LRRFIP2: variants seen among roughly 807,000 people sequenced by gnomAD.
LRRFIP2 encodes the protein leucine-rich repeat flightless-interacting protein 2.
A neutral mutation model predicts 125.9 loss-of-function variants in LRRFIP2; 109 were observed. The ratio of observed to expected loss-of-function variants is 0.87; its 90% CI spans 0.74 to 1.01. The LOEUF is 1.01. LRRFIP2 is among the 50% of genes least tolerant of loss of function. LRRFIP2 has a pLI of 0.00. For synonymous variants in LRRFIP2, 291 were observed against 293.1 expected (o/e 0.99, Z 0.07); for missense variants, 850 against 862.3 (o/e 0.99, Z 0.18).
rs751404785 is a variant in LRRFIP2, at chr3:37,063,815, AAAC to A, written c.1700-27_1700-25del. ...ATCTAAAACAAATGAAAAAGATCAT[AAAC>A]TAAATATGTGATGATATAGTACATA... On this transcript the variant is annotated intron_variant, in intron 23 of 27. Coordinates refer to ENST00000336686, the MANE Select transcript of LRRFIP2 (RefSeq NM_006309.4). 6 of 1,578,864 alleles carry A rather than the reference AAAC, an allele frequency of 3.8e-6. No individual in the cohort carries two copies. The African/African-American group carries it at 8.1e-5, about 21-fold the overall frequency.
chr3:37,103,339 CA>C (rs2094168283), intron 14 of LRRFIP2, among the ~76,000 whole-genome samples: 1 of 152,120 alleles, frequency 6.6e-6, no homozygotes, highest in African/African-American at 2.4e-5. Context: ...ATTTCTAGGT[CA>C]GTATATACCT....
At chr3:37,175,869 T>C (rs929914737), upstream of LRRFIP2, 1 of 152,136 alleles carries the variant, frequency 6.6e-6, no homozygotes, top group African/African-American at 2.4e-5. Context: ...ACGGGATGTC[T>C]GAGAACGCCG....
chr3:37,084,570 G>A (rs905429804), intron 18 of LRRFIP2, among the ~76,000 whole-genome samples: 3 of 152,174 alleles, frequency 2.0e-5, no homozygotes, highest in Non-Finnish European at 4.4e-5. Context: ...GGGATGCTAG[G>A]TGGGAGGACC....
chr3:37,133,344 T>G (rs1179778037), intron 2 of LRRFIP2, among the ~76,000 whole-genome samples: 1 of 152,236 alleles, frequency 6.6e-6, no homozygotes, highest in Non-Finnish European at 1.5e-5. Flanking sequence ...AACATATATT[T>G]ATATACCAAT....
chr3:37,135,457 CAAAA>C (rs368371557), intron 2 of LRRFIP2, among the ~76,000 whole-genome samples: 1 of 78,394 alleles, frequency 1.3e-5, no homozygotes. Context: ...GACTCAGTCT[CAAAA>C]AAAAAAAAAA....
At chr3:37,162,155 CAAAAAAAAAAAAAA>C (rs71091697) in intron 1 of LRRFIP2, among the ~76,000 whole-genome samples, 1 of 73,988 alleles carries the variant, frequency 1.4e-5, no homozygotes, top group African/African-American at 5.7e-5. Context: ...GACCCTGTCT[CAAAAAAAAAAAAAA>C]AAAAAAAAGA....
At chr3:37,061,383 C>CTTTCCT (rs1035113309) in intron 24 of LRRFIP2, among the ~76,000 whole-genome samples, 1 of 149,014 alleles carries the variant, frequency 6.7e-6, no homozygotes, top group African/African-American at 2.5e-5. Flanking sequence ...GTTTAAACCT[C>CTTTCCT]TTTTCTTTTT....
At chr3:37,086,341 T>C (rs937674358) in intron 18 of LRRFIP2, among the ~76,000 whole-genome samples, 8 of 152,226 alleles carry the variant, frequency 5.3e-5, no homozygotes, top group African/African-American at 1.9e-4. Context: ...AATATAGTGT[T>C]ACCACATGAG....
At chr3:37,075,436 TAATA>T (rs1434485936) in intron 19 of LRRFIP2, among the ~76,000 whole-genome samples, 1 of 152,026 alleles carries the variant, frequency 6.6e-6, no homozygotes, top group Non-Finnish European at 1.5e-5. Context: ...AAAGAAGGAA[TAATA>T]AATGCAATAT....
intron 16 of LRRFIP2, among the ~76,000 whole-genome samples, chr3:37,095,847 G>A (rs1228891336): frequency 6.6e-6 from 1 of 152,000 alleles, no homozygotes; most frequent in Non-Finnish European, 1.5e-5. Flanking sequence ...GGGTTTTACC[G>A]TGTTGGTCAG....
chr3:37,140,599 C>A lies in LRRFIP2; in HGVS notation c.90+8295G>T, dbSNP rs576387751. Among the ~76,000 whole-genome samples, 10 of 148,776 alleles carry A rather than the reference C, an allele frequency of 6.7e-5. No individual in the cohort carries two copies. In the East Asian group the frequency reaches 2.0e-3, roughly 29 times the overall value. ...AACAAAAATTAGCCGGGCGTGGTAGCGCAAGATCATGCCACAGTGCTCTAA... is the reference window on the plus strand; with the variant it reads ...AACAAAAATTAGCCGGGCGTGGTAGAGCAAGATCATGCCACAGTGCTCTAA... On this transcript the variant is annotated intron_variant, in intron 2 of 27. Coordinates refer to ENST00000336686, the MANE Select transcript of LRRFIP2 (RefSeq NM_006309.4).
intron 7 of LRRFIP2, among the ~76,000 whole-genome samples, chr3:37,113,366 G>T (rs1437527774): frequency 2.6e-5 from 4 of 152,106 alleles, no homozygotes; most frequent in Non-Finnish European, 5.9e-5. Context: ...GGGGTATAGT[G>T]GTACAATCAT....
At chr3:37,079,583 A>G (rs9810355) in intron 19 of LRRFIP2, among the ~76,000 whole-genome samples, 53,183 of 151,904 alleles carry the variant, frequency 0.35, 10,445 homozygotes, top group Non-Finnish European at 0.45. Context: ...TTAGAATAAA[A>G]AAGAAAAAGA....
At chr3:37,129,172 G>C (rs917624892) in intron 2 of LRRFIP2, 23 bp from the exon 3 acceptor site, 1 of 1,608,190 alleles carries the variant, frequency 6.2e-7, no homozygotes, top group Non-Finnish European at 8.5e-7. Context: ...ATAAAACTCA[G>C]CTTTATACAA....
At chr3:37,112,359 GAAAAAA>G (rs905923355) in intron 8 of LRRFIP2, among the ~76,000 whole-genome samples, 1 of 148,324 alleles carries the variant, frequency 6.7e-6, no homozygotes, top group African/African-American at 2.5e-5. Flanking sequence ...AAAAAGAAAA[GAAAAAA>G]AGAAAAAGAA....
chr3:37,102,871 G>T, intron 15 of LRRFIP2, 53 bp downstream of exon 15: 2 of 1,132,584 alleles, frequency 1.8e-6, no homozygotes, highest in Middle Eastern at 2.0e-4. Flanking sequence ...CATATTAGCT[G>T]TTAGTCACAA....
chr3:37,164,451 C>T (rs1455806968), intron 1 of LRRFIP2, among the ~76,000 whole-genome samples: 1 of 152,164 alleles, frequency 6.6e-6, no homozygotes, highest in Non-Finnish European at 1.5e-5. Context: ...GGCATGGCGG[C>T]TCATGCCTGT....
chr3:37,105,447 A>G lies in LRRFIP2; in HGVS notation c.783+8T>C. The G allele has an allele frequency of 6.2e-7, 1 of 1,612,462 alleles. No homozygotes were observed. Among genetic ancestry groups the G allele is most frequent in the Non-Finnish European group, 8.5e-7 (1 of 1,178,520 alleles). On this transcript the variant is annotated splice_region_variant and intron_variant, in intron 14 of 27. Transcript: ENST00000336686. ...CATCTTATTTCTTTGCATGCAAATCATGCTCACCACACTCTCCCTTCGTCC... is the reference window on the plus strand; with the variant it reads ...CATCTTATTTCTTTGCATGCAAATCGTGCTCACCACACTCTCCCTTCGTCC...
intron 19 of LRRFIP2, among the ~76,000 whole-genome samples, chr3:37,079,053 T>C (rs911906562): frequency 6.6e-6 from 1 of 152,094 alleles, no homozygotes; most frequent in East Asian, 1.9e-4. Flanking sequence ...GAATAATATA[T>C]CTGATAAAAT....
Sources: gnomAD v4.1 joint callset for allele counts (sites outside exome capture counted in the v4.1 genomes callset) on GRCh38, gnomAD v4.1.1 for gene constraint, MANE v1.5 for transcripts, NCBI Gene and HGNC (gene_info 2026-07-23, HGNC 2026-07-21) for gene names.